Variants in WDPCP observed in about 807,000 individuals in gnomAD.
WDPCP encodes the protein WD repeat containing planar cell polarity effector.
In WDPCP, 71 loss-of-function variants were observed where a neutral mutation model predicts 93.1. The ratio of observed to expected loss-of-function variants is 0.76; its 90% CI spans 0.63 to 0.93. The LOEUF (loss-of-function observed/expected upper bound fraction) is 0.93. Among genes scored for constraint, WDPCP ranks in the 40% least tolerant of loss-of-function variants. WDPCP has a pLI of 0.00. For missense variants in WDPCP, 844 were observed against 887.4 expected (o/e 0.95, Z 0.62); for synonymous variants, 315 against 315.0 (o/e 1.00, Z 0.00).
chr2:63,602,501 C>G (rs933798756), intron 3 of WDPCP, among the ~76,000 whole-genome samples: 4 of 152,032 alleles, frequency 2.6e-5, no homozygotes, highest in Non-Finnish European at 5.9e-5. Flanking sequence ...AGTTGATGAA[C>G]TACACAATAC....
chr2:63,493,446 A>G (rs184186233), intron 1 of WDPCP, among the ~76,000 whole-genome samples: 3 of 152,228 alleles, frequency 2.0e-5, no homozygotes, highest in Admixed American at 6.5e-5. Flanking sequence ...ATACTATTAT[A>G]AGAAACATAA....
intron 12 of WDPCP, among the ~76,000 whole-genome samples, chr2:63,362,217 G>A (rs1353331211): frequency 7.1e-6 from 1 of 141,178 alleles, no homozygotes; most frequent in East Asian, 2.1e-4. Context: ...TCTTTAATGA[G>A]GTATTGTTAC....
chr2:63,436,754 T>C (rs1174388502), intron 8 of WDPCP, among the ~76,000 whole-genome samples: 1 of 152,122 alleles, frequency 6.6e-6, no homozygotes, highest in East Asian at 1.9e-4. Flanking sequence ...TTACTCATCC[T>C]AGCAGAGAAT....
At chr2:63,796,522 T>C (rs1260769961) in intron 2 of WDPCP, among the ~76,000 whole-genome samples, 8 of 152,180 alleles carry the variant, frequency 5.3e-5, no homozygotes, top group Admixed American at 5.2e-4. Flanking sequence ...TGGCAGTGGC[T>C]GTGTGGCACA....
chr2:63,816,528 G>C (rs183798003), intron 1 of WDPCP, among the ~76,000 whole-genome samples: 108 of 152,282 alleles, frequency 7.1e-4, no homozygotes, highest in Non-Finnish European at 1.1e-3. Flanking sequence ...AGAGACTGGA[G>C]TTATGCTGCC....
intron 12 of WDPCP, among the ~76,000 whole-genome samples, chr2:63,324,979 T>A (rs765847664): frequency 6.6e-6 from 1 of 152,196 alleles, no homozygotes; most frequent in Non-Finnish European, 1.5e-5. Context: ...TGAGGGTCAA[T>A]TGATTCTAAA....
chr2:63,273,880 A>AC (rs1297603147), intron 13 of WDPCP, among the ~76,000 whole-genome samples: 5 of 152,004 alleles, frequency 3.3e-5, no homozygotes, highest in Admixed American at 2.6e-4. Flanking sequence ...AAATGGAGAG[A>AC]CAGACTTAAA....
Position 63,798,553 on chromosome 2 carries a change from G to A in WDPCP, n.308+15069C>T, listed in dbSNP as rs544685714. Among the ~76,000 whole-genome samples the A allele has an allele frequency of 2.5e-3, 375 of 151,690 alleles. 1 individual carries two copies. The highest frequency in any genetic ancestry group is 4.1e-3 in the Non-Finnish European group (279 of 67,894). On this transcript the variant is annotated intron_variant and non_coding_transcript_variant, in intron 2 of 4. Coordinates refer to the WDPCP transcript ENST00000467687. ...TTTTCAGGCCTCATGGTAACCTCAA[G>A]CCAAAACACATATAATGGATACACA...
chr2:63,627,696 T>C (rs1211917461), intron 3 of WDPCP, among the ~76,000 whole-genome samples: 1 of 152,194 alleles, frequency 6.6e-6, no homozygotes, highest in Non-Finnish European at 1.5e-5. Context: ...CTCCAGAGAC[T>C]GCCAGACTTG....
chr2:63,129,232 A>G (rs1474891297), intron 17 of WDPCP, among the ~76,000 whole-genome samples: 2 of 152,208 alleles, frequency 1.3e-5, no homozygotes, highest in African/African-American at 4.8e-5. Flanking sequence ...TAATGTTGCT[A>G]TGAACACAGG....
At chr2:63,328,963 G>A (rs1687772348) in intron 12 of WDPCP, among the ~76,000 whole-genome samples, 1 of 152,154 alleles carries the variant, frequency 6.6e-6, no homozygotes, top group African/African-American at 2.4e-5. Context: ...CCTGGGTCAA[G>A]CCATCTGCTG....
chr2:63,393,892 C>T (rs184992922), intron 10 of WDPCP, among the ~76,000 whole-genome samples: 10 of 152,126 alleles, frequency 6.6e-5, no homozygotes, highest in Admixed American at 2.0e-4. Context: ...AAACTGGACC[C>T]CATCTTTACA....
intron 13 of WDPCP, among the ~76,000 whole-genome samples, chr2:63,294,106 CAGAA>C (rs1684653038): frequency 6.6e-6 from 1 of 152,134 alleles, no homozygotes; most frequent in Admixed American, 6.5e-5. Context: ...ATGTTGAAAG[CAGAA>C]AGAGAGAAGT....
intron 12 of WDPCP, among the ~76,000 whole-genome samples, chr2:63,354,714 ATGTGTGTG>A (rs150962868): frequency 1.3e-5 from 2 of 149,854 alleles, no homozygotes; most frequent in African/African-American, 2.5e-5. Flanking sequence ...GTATATATGT[ATGTGTGTG>A]TGTGTGTGTG....
Position 63,121,380 on chromosome 2 carries a change from C to CTTTTTTTTTTTTTTTTTTT in WDPCP, c.*607_*625dup, listed in dbSNP as rs139878372. The CTTTTTTTTTTTTTTTTTTT allele has an allele frequency of 1.1e-5, 1 of 87,332 alleles. No homozygotes were observed. The allele number at this position is 87,332 out of a possible 1,614,324, so 5.4% of individuals were successfully genotyped here. A position where few individuals can be genotyped will look rare whatever the true frequency, so the allele number is the denominator to read the frequency against. ...AGGACTTTCTTTCTTTCTTTTCTTT[C>CTTTTTTTTTTTTTTTTTTT]TTTTTTTTTTTTTTTTTTTTTGGAG... On this transcript the variant is annotated 3_prime_UTR_variant, in exon 18 of 18. Coordinates refer to ENST00000272321, the MANE Select transcript of WDPCP (RefSeq NM_015910.7).
At chr2:63,749,633 A>G (rs1669850585) in intron 2 of WDPCP, among the ~76,000 whole-genome samples, 1 of 152,126 alleles carries the variant, frequency 6.6e-6, no homozygotes, top group Admixed American at 6.5e-5. Context: ...TGTTTAAGGT[A>G]GGCTAGGCTA....
At chr2:63,678,890 G>C (rs1415972354) in intron 2 of WDPCP, among the ~76,000 whole-genome samples, 2 of 152,188 alleles carry the variant, frequency 1.3e-5, no homozygotes, top group Non-Finnish European at 2.9e-5. Context: ...AGTGGCGGTG[G>C]TGGCCGGAGC....
chr2:63,781,730 A>G (rs763644735), intron 2 of WDPCP, among the ~76,000 whole-genome samples: 3 of 152,090 alleles, frequency 2.0e-5, no homozygotes, highest in Non-Finnish European at 4.4e-5. Flanking sequence ...TGCTTGGGGG[A>G]ACTAGGGAAG....
At chr2:63,340,046 T>G (rs1575178648) in intron 12 of WDPCP, among the ~76,000 whole-genome samples, 1 of 152,328 alleles carries the variant, frequency 6.6e-6, no homozygotes, top group Non-Finnish European at 1.5e-5. Flanking sequence ...AAGCTCATGG[T>G]TCTCTTTGTT....
Sources: allele counts gnomAD v4.1 joint callset (sites outside exome capture counted in the v4.1 genomes callset), GRCh38; gene constraint gnomAD v4.1.1; transcripts MANE v1.5; gene names NCBI Gene and HGNC (gene_info 2026-07-23, HGNC 2026-07-21).